The following PIGU variants were observed in gnomAD, a reference collection of about 807,000 sequenced individuals.
PIGU encodes phosphatidylinositol glycan anchor biosynthesis class U.
In PIGU, 24 loss-of-function variants were observed where a neutral mutation model predicts 49.9. The ratio of observed to expected loss-of-function variants is 0.48; its 90% confidence interval spans 0.35 to 0.68. The LOEUF (loss-of-function observed/expected upper bound fraction) is 0.68, where lower values mean the gene tolerates loss of function less well. PIGU is among the 30% of genes least tolerant of loss of function. PIGU has a pLI of 0.01. For synonymous variants in PIGU, 220 were observed against 205.7 expected (o/e 1.07, Z -0.59); for missense variants, 490 against 532.6 (o/e 0.92, Z 0.79).
intron 4 of PIGU, among the ~76,000 whole-genome samples, 156 bp from the exon 5 acceptor site, chr20:34,638,141 C>G (rs998014788): frequency 2.0e-5 from 3 of 152,206 alleles, no homozygotes; most frequent in African/African-American, 7.2e-5. Flanking sequence ...CCCTCCCCAT[C>G]CCCTTTCTGG....
intron 1 of PIGU, among the ~76,000 whole-genome samples, chr20:34,661,758 C>T (rs929480311): frequency 6.6e-6 from 1 of 152,080 alleles, no homozygotes; most frequent in African/African-American, 2.4e-5. Context: ...GGTCGAATGG[C>T]AGTTCTGTTT....
At chr20:34,589,909 G>A (rs1294833350) in intron 7 of PIGU, among the ~76,000 whole-genome samples, 4 of 151,914 alleles carry the variant, frequency 2.6e-5, no homozygotes, top group Admixed American at 6.6e-5. Context: ...ACCCGCCTTG[G>A]CCTCCCAAAG....
At chr20:34,640,775 T>C (rs983353794) in intron 4 of PIGU, among the ~76,000 whole-genome samples, 7 of 152,202 alleles carry the variant, frequency 4.6e-5, no homozygotes, top group African/African-American at 1.7e-4. Flanking sequence ...CAAAATGTTT[T>C]AATTTTTAAA....
chr20:34,572,587 G>A (rs945150482), intron 11 of PIGU, among the ~76,000 whole-genome samples: 4 of 152,130 alleles, frequency 2.6e-5, no homozygotes, highest in Non-Finnish European at 4.4e-5. Context: ...CCAGGAGGTG[G>A]AGGTTGCAGT....
intron 11 of PIGU, among the ~76,000 whole-genome samples, chr20:34,573,198 T>C (rs1983084941): frequency 6.6e-6 from 1 of 152,014 alleles, no homozygotes; most frequent in South Asian, 2.1e-4. Flanking sequence ...CCAGCAATAA[T>C]GAATTCATGT....
intron 1 of PIGU, among the ~76,000 whole-genome samples, chr20:34,664,114 G>A (rs902847145): frequency 1.6e-4 from 24 of 152,160 alleles, no homozygotes; most frequent in African/African-American, 5.8e-4. Context: ...ATTGATAACT[G>A]ATCTGGGCAA....
chr20:34,633,502 A>G (rs531154809), intron 6 of PIGU, among the ~76,000 whole-genome samples: 58 of 151,920 alleles, frequency 3.8e-4, no homozygotes, highest in African/African-American at 1.3e-3. Flanking sequence ...TAAACAAGAA[A>G]CCATGGTGTA....
rs111981325 is a variant in PIGU, at chr20:34,646,971, C to G, written c.196-1637G>C. 3.3e-4 allele frequency among the ~76,000 whole-genome samples: 50 copies of G among 151,852 alleles called. 1 individual carries two copies. The highest frequency in any genetic ancestry group is 1.1e-3 in the African/African-American group (45 of 41,416). The stretch of plus-strand genomic sequence containing the variant: ...TCCCCAGTAGCTAGGATTACAGGTG[C>G]CTGCCACCACACCCAGCTAATTTTT... On this transcript the variant is annotated intron_variant, in intron 2 of 11. Coordinates refer to ENST00000217446, the MANE Select transcript of PIGU (RefSeq NM_080476.5).
chr20:34,565,926 T>C (rs1430747987), intron 11 of PIGU, among the ~76,000 whole-genome samples: 1 of 148,912 alleles, frequency 6.7e-6, no homozygotes, highest in Non-Finnish European at 1.5e-5. Flanking sequence ...CTCGCACTGC[T>C]CAGACACGCT....
chr20:34,622,771 C>T (rs1985294247), intron 6 of PIGU, among the ~76,000 whole-genome samples: 2 of 152,148 alleles, frequency 1.3e-5, no homozygotes, highest in African/African-American at 4.8e-5. Flanking sequence ...CTACCATTTG[C>T]TAGGGCAGCC....
At chr20:34,614,830 C>T (rs1043734431) in intron 7 of PIGU, among the ~76,000 whole-genome samples, 2 of 152,292 alleles carry the variant, frequency 1.3e-5, no homozygotes, top group Admixed American at 1.3e-4. Flanking sequence ...GGAATACACA[C>T]TCAGCTTTAG....
At chr20:34,562,976 A>G (rs921848323) in intron 11 of PIGU, among the ~76,000 whole-genome samples, 6 of 152,234 alleles carry the variant, frequency 3.9e-5, no homozygotes, top group Non-Finnish European at 8.8e-5. Context: ...ACAATCCACA[A>G]CAATCAAAAC....
chr20:34,580,935 T>C (rs1202810031), intron 10 of PIGU, among the ~76,000 whole-genome samples: 1 of 152,102 alleles, frequency 6.6e-6, no homozygotes, highest in African/African-American at 2.4e-5. Flanking sequence ...CCCTCTGCCT[T>C]CTAGTAACCT....
At chr20:34,649,889 C>T (rs1986474625) in intron 2 of PIGU, among the ~76,000 whole-genome samples, 1 of 142,102 alleles carries the variant, frequency 7.0e-6, no homozygotes, top group African/African-American at 2.6e-5. Flanking sequence ...CACTCTGTCA[C>T]CCAGGCTGGA....
intron 10 of PIGU, among the ~76,000 whole-genome samples, chr20:34,578,283 C>T (rs989917914): frequency 3.3e-5 from 5 of 152,152 alleles, no homozygotes; most frequent in Non-Finnish European, 7.3e-5. Flanking sequence ...CTCCTGAGAC[C>T]TCCCAGGAAC....
intron 1 of PIGU, among the ~76,000 whole-genome samples, chr20:34,659,572 C>T (rs1180380214): frequency 3.3e-5 from 5 of 152,088 alleles, no homozygotes; most frequent in Admixed American, 6.5e-5. Flanking sequence ...TCATTGAGAA[C>T]GGGCCAGGAT....
At chr20:34,621,369 A>G (rs1985218470) in intron 6 of PIGU, among the ~76,000 whole-genome samples, 1 of 151,698 alleles carries the variant, frequency 6.6e-6, no homozygotes, top group Non-Finnish European at 1.5e-5. Flanking sequence ...ACTCAAATAA[A>G]GCAGAGCCTG....
At chr20:34,643,475 A>C (rs1008279528) in intron 4 of PIGU, 2 of 152,258 alleles carry the variant, frequency 1.3e-5, no homozygotes, top group East Asian at 1.9e-4. Flanking sequence ...AATGAGATGC[A>C]GCCTTATTTC....
intron 10 of PIGU, among the ~76,000 whole-genome samples, chr20:34,577,515 A>G (rs1377074549): frequency 6.6e-6 from 1 of 152,192 alleles, no homozygotes; most frequent in Non-Finnish European, 1.5e-5. Context: ...CAAGAGTTCG[A>G]AACCAGCCTG....
Sources: allele counts gnomAD v4.1 joint callset (sites outside exome capture counted in the v4.1 genomes callset), GRCh38; gene constraint gnomAD v4.1.1; transcripts MANE v1.5; gene names NCBI Gene and HGNC (gene_info 2026-07-23, HGNC 2026-07-21).